Variants in PTPRQ observed in about 807,000 individuals in gnomAD.
PTPRQ encodes protein tyrosine phosphatase receptor type Q, also known as phosphatidylinositol phosphatase PTPRQ.
Under a neutral mutation model 246.0 loss-of-function variants are expected in PTPRQ, and 199 were observed. That is an observed-to-expected ratio of 0.81 (90% CI 0.72 to 0.91). The LOEUF (loss-of-function observed/expected upper bound fraction) is 0.91, where lower values mean the gene tolerates loss of function less well. PTPRQ is among the 40% of genes least tolerant of loss of function. The probability of loss-of-function intolerance (pLI) is 0.00; values close to 1 mark genes in which losing one functional copy is unlikely to be tolerated. For missense variants in PTPRQ, 2,624 were observed against 2,528.4 expected (o/e 1.04, Z -0.81); for synonymous variants, 869 against 853.2 (o/e 1.02, Z -0.32).
chr12:80,471,977 ATAT>A (rs1354332381), intron 7 of PTPRQ, 125 bp from the exon 8 acceptor site: 11 of 1,118,180 alleles, frequency 9.8e-6, no homozygotes, highest in Middle Eastern at 2.7e-4. Context: ...TGCAGTTTTG[ATAT>A]TATAATAACA....
intron 9 of PTPRQ, among the ~76,000 whole-genome samples, chr12:80,488,444 A>C (rs1894348361): frequency 6.6e-6 from 1 of 152,104 alleles, no homozygotes; most frequent in Non-Finnish European, 1.5e-5. Flanking sequence ...CAGATGACGA[A>C]GGTATATATG....
At chr12:80,553,941 G>A (rs1896563922) in intron 25 of PTPRQ, among the ~76,000 whole-genome samples, 3 of 152,130 alleles carry the variant, frequency 2.0e-5, no homozygotes, top group Admixed American at 2.0e-4. Context: ...ATTATGTTAA[G>A]TGAAATAAGC....
chr12:80,506,611 G>C lies in PTPRQ; in HGVS notation c.2498G>C (p.Ser833Thr). 6.5e-7 allele frequency: 1 copy of C among 1,543,176 alleles called. No homozygotes were observed. Among genetic ancestry groups the C allele is most frequent in the Non-Finnish European group, 8.8e-7 (1 of 1,140,838 alleles). ...CAATATATCATTGAGGTGTCTGCTA[G>C]TACACTCAAAGGTGAAGGAGTTCGG... ...YTQYIIEVSA[S>T]TLKGEGVRSA... Residue 833 changes from serine (S) to threonine (T), a missense_variant, in exon 16 of 45, where the codon AGT becomes ACT. Physicochemically the swap from Ser to Thr is moderately conservative, Grantham distance 58. Coordinates refer to ENST00000644991, the MANE Select transcript of PTPRQ (RefSeq NM_001145026.2).
chr12:80,510,264 G>C, intron 16 of PTPRQ, 59 bp from the exon 17 acceptor site: 2 of 1,355,316 alleles, frequency 1.5e-6, no homozygotes, highest in Non-Finnish European at 1.9e-6. Context: ...GCATTTCCAT[G>C]TTAACTTTTT....
At chr12:80,639,114 G>A (rs1456741447) in intron 35 of PTPRQ, among the ~76,000 whole-genome samples, 1 of 152,182 alleles carries the variant, frequency 6.6e-6, no homozygotes, top group Non-Finnish European at 1.5e-5. Flanking sequence ...CTGTATCACT[G>A]AGACTGACTC....
chr12:80,580,656 T>C (rs989782655), intron 25 of PTPRQ, among the ~76,000 whole-genome samples: 5 of 152,198 alleles, frequency 3.3e-5, no homozygotes, highest in African/African-American at 4.8e-5. Context: ...TTATACCATA[T>C]ATTTCACCTC....
At chr12:80,644,591 C>T (rs1489852293) in intron 35 of PTPRQ, among the ~76,000 whole-genome samples, 1 of 152,060 alleles carries the variant, frequency 6.6e-6, no homozygotes, top group Non-Finnish European at 1.5e-5. Flanking sequence ...TTTTCATGCA[C>T]ATCAATTTCT....
chr12:80,510,793 T>C (rs1895103558), intron 17 of PTPRQ, among the ~76,000 whole-genome samples: 1 of 152,188 alleles, frequency 6.6e-6, no homozygotes, highest in Non-Finnish European at 1.5e-5. Context: ...CTTTCAAGTG[T>C]CCCTTGAGCA....
intron 23 of PTPRQ, among the ~76,000 whole-genome samples, 195 bp from the exon 24 acceptor site, chr12:80,546,359 AAT>A (rs1321532555): frequency 1.3e-5 from 2 of 152,182 alleles, no homozygotes; most frequent in African/African-American, 4.8e-5. Flanking sequence ...GAAGGTGCCC[AAT>A]TCATCCTTGT....
intron 38 of PTPRQ, 135 bp from the exon 39 acceptor site, chr12:80,657,850 T>C: frequency 1.7e-5 from 9 of 533,782 alleles, no homozygotes; most frequent in Non-Finnish European, 2.7e-5. Flanking sequence ...GGAGAAGAAA[T>C]AACTTTTTAA....
At chr12:80,516,864 G>A (rs895797162) in intron 17 of PTPRQ, among the ~76,000 whole-genome samples, 45 of 152,302 alleles carry the variant, frequency 3.0e-4, no homozygotes, top group Admixed American at 1.6e-3. Context: ...CTCAGTGGAG[G>A]CAGTGTATGA....
intron 42 of PTPRQ, among the ~76,000 whole-genome samples, chr12:80,672,873 A>T (rs1424445046): frequency 1.3e-5 from 2 of 152,102 alleles, no homozygotes; most frequent in East Asian, 3.9e-4. Flanking sequence ...GATTTTAAAA[A>T]AATCTCTATA....
At chr12:80,661,180 C>T (rs1900617397) in intron 39 of PTPRQ, among the ~76,000 whole-genome samples, 1 of 151,110 alleles carries the variant, frequency 6.6e-6, no homozygotes, top group African/African-American at 2.4e-5. Context: ...AGAATCTCTG[C>T]TTTTAATGAC....
chr12:80,460,216 C>G (rs78545075), intron 5 of PTPRQ, among the ~76,000 whole-genome samples: 1 of 152,106 alleles, frequency 6.6e-6, no homozygotes, highest in Non-Finnish European at 1.5e-5. Flanking sequence ...TTCTAATACA[C>G]GCACACACCT....
At position 80,673,363 on chromosome 12, in the gene PTPRQ, T is replaced by G; in HGVS notation, c.6738+59T>G. ...TTCTAGAATTTCCACATGGGAGATC[T>G]TAGTGGCAGCAATCTGGATGGACAT... On this transcript the variant is annotated intron_variant, in intron 43 of 44. Coordinates refer to ENST00000644991, the MANE Select transcript of PTPRQ (RefSeq NM_001145026.2). 9.2e-6 allele frequency: 14 copies of G among 1,513,670 alleles called. No individual in the cohort carries two copies. The South Asian group carries it at 1.7e-4, about 18-fold the overall frequency. The allele number at this position is 1,513,670 out of a possible 1,614,324, so 93.8% of individuals were successfully genotyped here. A position where few individuals can be genotyped will look rare whatever the true frequency, so the allele number is the denominator to read the frequency against.
chr12:80,515,713 C>A (rs1400209253), intron 17 of PTPRQ, among the ~76,000 whole-genome samples: 2 of 150,386 alleles, frequency 1.3e-5, no homozygotes, highest in Non-Finnish European at 3.0e-5. Context: ...GGATTACAGG[C>A]GTGAGCCACT....
chr12:80,454,949 G>A (rs184292200), intron 3 of PTPRQ, among the ~76,000 whole-genome samples: 2 of 152,216 alleles, frequency 1.3e-5, no homozygotes, highest in African/African-American at 4.8e-5. Context: ...GGCCGAGGCG[G>A]GCGGATCACC....
chr12:80,516,940 G>A (rs1210318239), intron 17 of PTPRQ, among the ~76,000 whole-genome samples: 1 of 152,182 alleles, frequency 6.6e-6, no homozygotes, highest in Non-Finnish European at 1.5e-5. Flanking sequence ...CTGAGGCTAA[G>A]TTGGGAAGAT....
chr12:80,611,221 A>G (rs1898537659), intron 28 of PTPRQ, among the ~76,000 whole-genome samples: 1 of 150,358 alleles, frequency 6.7e-6, no homozygotes, highest in Non-Finnish European at 1.5e-5. Flanking sequence ...AACCAATAAG[A>G]AATAAATTTG....
Sources: allele counts gnomAD v4.1 joint callset (sites outside exome capture counted in the v4.1 genomes callset), GRCh38; gene constraint gnomAD v4.1.1; transcripts MANE v1.5; gene names NCBI Gene and HGNC (gene_info 2026-07-23, HGNC 2026-07-21).